ADCY8: variants seen among roughly 807,000 people sequenced by gnomAD.
The protein encoded by ADCY8 is adenylate cyclase 8.
Under a neutral mutation model 119.7 loss-of-function variants are expected in ADCY8, and 51 were observed. The observed-to-expected ratio is 0.43, with a 90% CI of 0.34 to 0.54. The LOEUF (loss-of-function observed/expected upper bound fraction) is 0.54, where lower values mean the gene tolerates loss of function less well. Ranked by LOEUF, ADCY8 falls within the 20% of genes least tolerant of loss-of-function variation. The probability of loss-of-function intolerance (pLI) is 0.03; values close to 1 mark genes in which losing one functional copy is unlikely to be tolerated. For synonymous variants in ADCY8, 665 were observed against 651.0 expected (o/e 1.02, Z -0.33); for missense variants, 1,383 against 1,598.8 (o/e 0.87, Z 2.30).
rs550883182 is a variant in ADCY8, at chr8:130,890,923, A to C, written c.1912-6162T>G. Among the ~76,000 whole-genome samples the C allele has an allele frequency of 2.0e-5, 3 of 152,332 alleles. No homozygotes were observed. In the East Asian group the frequency reaches 5.8e-4, roughly 29 times the overall value. ...ATAGTAGTTGTGACTGAGGTCTCAC[A>C]GTGTGGGCCAACTCATTGCTGATAT... On this transcript the variant is annotated intron_variant, in intron 7 of 17. Coordinates refer to ENST00000286355, the MANE Select transcript of ADCY8 (RefSeq NM_001115.3).
intron 10 of ADCY8, among the ~76,000 whole-genome samples, chr8:130,848,860 C>A (rs183692953): frequency 6.6e-6 from 1 of 152,152 alleles, no homozygotes; most frequent in Non-Finnish European, 1.5e-5. Context: ...TGTGGGTCAG[C>A]AAATTAAACA....
chr8:130,873,761 C>T (rs1291941581), intron 8 of ADCY8, among the ~76,000 whole-genome samples: 1 of 152,122 alleles, frequency 6.6e-6, no homozygotes, highest in Non-Finnish European at 1.5e-5. Flanking sequence ...TTAACTCCTG[C>T]TTGAATATTT....
chr8:130,845,609 G>A (rs1817272075), intron 11 of ADCY8, among the ~76,000 whole-genome samples: 1 of 152,074 alleles, frequency 6.6e-6, no homozygotes, highest in African/African-American at 2.4e-5. Flanking sequence ...GAATTTCTCA[G>A]GGAGCCATTG....
At chr8:130,808,397 C>T (rs1170398665) in intron 14 of ADCY8, among the ~76,000 whole-genome samples, 1 of 152,114 alleles carries the variant, frequency 6.6e-6, no homozygotes, top group African/African-American at 2.4e-5. Context: ...AAACAATAGC[C>T]AACAACCAGT....
intron 2 of ADCY8, among the ~76,000 whole-genome samples, chr8:130,970,638 C>T (rs1821895981): frequency 1.3e-5 from 2 of 152,160 alleles, no homozygotes; most frequent in Non-Finnish European, 2.9e-5. Context: ...GAAACTGGTC[C>T]CTGGTGCCAA....
In ADCY8 at chr8:130,990,423, C is replaced by G. The variant is rs1241230694; in HGVS notation, c.1080G>C (p.Arg360Ser). 6.2e-7 allele frequency: 1 copy of G among 1,614,168 alleles called. No homozygotes were observed. Among genetic ancestry groups the G allele is most frequent in the Non-Finnish European group, 8.5e-7 (1 of 1,180,008 alleles). Residue 360 changes from arginine to serine, a missense_variant, in exon 2 of 18, where the codon AGG (arginine) becomes AGC (serine). Coordinates refer to ENST00000286355, the MANE Select transcript of ADCY8 (RefSeq NM_001115.3). Reference protein sequence around the residue: ...FLETRRCVEARLRLETENQRQ... With the variant: ...FLETRRCVEASLRLETENQRQ... Reference sequence around the variant, plus strand: ...TTTGGTTCTCTGTCTCCAGGCGCAGCCTGGCCTCCACACACCTCCGAGTCT... The same window carrying G: ...TTTGGTTCTCTGTCTCCAGGCGCAGGCTGGCCTCCACACACCTCCGAGTCT...
intron 2 of ADCY8, among the ~76,000 whole-genome samples, chr8:130,984,405 GAGA>G (rs1234248282): frequency 1.3e-5 from 2 of 151,860 alleles, no homozygotes; most frequent in South Asian, 2.1e-4. Context: ...ACATCAGCTA[GAGA>G]AGGACAAGAA....
At chr8:130,797,189 A>G (rs1299150410) in intron 15 of ADCY8, among the ~76,000 whole-genome samples, 3 of 152,184 alleles carry the variant, frequency 2.0e-5, no homozygotes, top group Non-Finnish European at 4.4e-5. Flanking sequence ...GTGTGGCCCA[A>G]CACAAATTTG....
At chr8:130,935,061 G>A (rs938329967) in intron 5 of ADCY8, among the ~76,000 whole-genome samples, 2 of 152,170 alleles carry the variant, frequency 1.3e-5, no homozygotes, top group African/African-American at 4.8e-5. Context: ...TTTTTCTTGA[G>A]ATATGATAAA....
chr8:130,845,709 T>C (rs1209944543), intron 11 of ADCY8, among the ~76,000 whole-genome samples: 1 of 152,154 alleles, frequency 6.6e-6, no homozygotes, highest in Non-Finnish European at 1.5e-5. Context: ...AGCTCCTAAA[T>C]GGGACCTAGT....
At chr8:130,965,075 C>A (rs1398018322) in intron 2 of ADCY8, among the ~76,000 whole-genome samples, 3 of 152,118 alleles carry the variant, frequency 2.0e-5, no homozygotes, top group Non-Finnish European at 4.4e-5. Flanking sequence ...GATATTAGAT[C>A]TTTGTCAGAT....
In ADCY8 at chr8:130,836,264, G is replaced by C; in HGVS notation, c.2675+13C>G. On this transcript the variant is annotated intron_variant, in intron 12 of 17. Transcript: ENST00000286355. ...GTTGAGCACACTTTGGACTCACGGT[G>C]GTGGGCACTTACTCTCCACTGTGGT... 2 of 1,605,054 alleles carry C rather than the reference G, an allele frequency of 1.2e-6. No individual in the cohort carries two copies. The highest frequency in any genetic ancestry group is 1.7e-6 in the Non-Finnish European group (2 of 1,174,616).
At chr8:130,788,118 A>G (rs1007803070) in intron 15 of ADCY8, among the ~76,000 whole-genome samples, 5 of 152,184 alleles carry the variant, frequency 3.3e-5, no homozygotes, top group African/African-American at 1.2e-4. Flanking sequence ...GTCATTGAAC[A>G]CTTAAGTTGA....
At chr8:131,028,981 G>C (rs1823908777) in intron 1 of ADCY8, among the ~76,000 whole-genome samples, 1 of 152,170 alleles carries the variant, frequency 6.6e-6, no homozygotes, top group African/African-American at 2.4e-5. Flanking sequence ...TTGCACAGCA[G>C]GTTGTGGGTT....
chr8:130,897,445 T>G (rs1819432957), intron 7 of ADCY8, among the ~76,000 whole-genome samples: 1 of 151,912 alleles, frequency 6.6e-6, no homozygotes, highest in Non-Finnish European at 1.5e-5. Flanking sequence ...CTAAATCAAA[T>G]TGTTGTTTGT....
intron 1 of ADCY8, among the ~76,000 whole-genome samples, chr8:131,029,965 T>C (rs1301501066): frequency 6.6e-6 from 1 of 152,180 alleles, no homozygotes; most frequent in African/African-American, 2.4e-5. Context: ...ATGTGCCAGA[T>C]GCTATGCTAG....
At chr8:130,804,344 C>G (rs986022776) in intron 14 of ADCY8, among the ~76,000 whole-genome samples, 5 of 152,138 alleles carry the variant, frequency 3.3e-5, no homozygotes, top group Non-Finnish European at 5.9e-5. Context: ...ACTTGGTCTT[C>G]CCTTAGGTTC....
chr8:130,944,416 C>T (rs532440172), intron 3 of ADCY8, among the ~76,000 whole-genome samples: 1 of 152,320 alleles, frequency 6.6e-6, no homozygotes, highest in African/African-American at 2.4e-5. Context: ...CAATTGATCA[C>T]TTTAGCTGTG....
intron 14 of ADCY8, 32 bp downstream of exon 14, chr8:130,814,037 T>G: frequency 6.2e-7 from 1 of 1,612,756 alleles, no homozygotes. Flanking sequence ...ACCACCACCC[T>G]TTCTCACTGG....
Sources: gnomAD v4.1 joint callset for allele counts (sites outside exome capture counted in the v4.1 genomes callset) on GRCh38, gnomAD v4.1.1 for gene constraint, MANE v1.5 for transcripts, NCBI Gene and HGNC (gene_info 2026-07-23, HGNC 2026-07-21) for gene names.